The following MGA variants were observed in gnomAD, a reference collection of about 807,000 sequenced individuals.
MGA encodes MAX dimerization protein MGA, also known as MAX gene-associated protein.
MGA carries 40 observed loss-of-function variants against 261.1 expected under a neutral mutation model. The observed-to-expected ratio is 0.15, with a 90% CI of 0.12 to 0.20. The LOEUF is 0.20. MGA is among the 10% of genes least tolerant of loss of function. The pLI, the probability that MGA is intolerant of heterozygous loss-of-function variation, is 1.00. For missense variants in MGA, 3,397 were observed against 3,630.5 expected (o/e 0.94, Z 1.65); for synonymous variants, 1,302 against 1,290.6 (o/e 1.01, Z -0.19).
intron 16 of MGA, 38 bp downstream of exon 16, chr15:41,748,965 A>G (rs760830032): frequency 1.3e-6 from 2 of 1,599,564 alleles, no homozygotes; most frequent in Non-Finnish European, 1.7e-6. Context: ...CTTTTGTTGA[A>G]TCACTTGGCC....
At chr15:41,690,369 G>A (rs549308929) in intron 2 of MGA, among the ~76,000 whole-genome samples, 3 of 152,182 alleles carry the variant, frequency 2.0e-5, no homozygotes, top group South Asian at 2.1e-4. Flanking sequence ...TGGCTGTTAC[G>A]AATAATGTTG....
chr15:41,698,150 G>T (rs1431522044), intron 3 of MGA, among the ~76,000 whole-genome samples: 3 of 146,910 alleles, frequency 2.0e-5, no homozygotes, highest in Non-Finnish European at 4.5e-5. Context: ...AATTACAAGC[G>T]TGAGCCACTG....
Position 41,707,840 on chromosome 15 carries a change from A to G in MGA, c.2301A>G (p.Gly767=). 6.2e-7 allele frequency: 1 copy of G among 1,613,762 alleles called. No individual in the cohort carries two copies. Among genetic ancestry groups the G allele is most frequent in the Non-Finnish European group, 8.5e-7 (1 of 1,179,796 alleles). Residue 767 remains glycine, a synonymous_variant, in exon 6 of 24, where the codon GGA becomes GGG. Transcript: ENST00000219905. The stretch of plus-strand genomic sequence containing the variant: ...GCTTTCCTTTTTGGAACCTTACAGG[A>G]ACCAACCCTGCCTCTCCTGGTGAGT...
In MGA at chr15:41,647,363, G is replaced by A. The variant is rs576838760; in HGVS notation, c.-67-21465G>A. ...ATCTATTTCTTCAGTATGATTCTCT[G>A]TCCTGAGCACTAGACCCTGATATTC... On this transcript the variant is annotated intron_variant, in intron 1 of 8. Transcript: ENST00000566718. Among the ~76,000 whole-genome samples, 68 of 152,232 alleles carry A rather than the reference G, an allele frequency of 4.5e-4. No homozygotes were observed. The South Asian group carries it at 0.011, about 24-fold the overall frequency.
chr15:41,659,667 T>C (rs1046886580), upstream of MGA, among the ~76,000 whole-genome samples: 2 of 152,254 alleles, frequency 1.3e-5, no homozygotes, highest in East Asian at 1.9e-4. Flanking sequence ...TTGCACCTCA[T>C]AGCTTAAATG....
chr15:41,660,139 G>C (rs1270291190), upstream of MGA, among the ~76,000 whole-genome samples: 1 of 152,234 alleles, frequency 6.6e-6, no homozygotes, highest in Non-Finnish European at 1.5e-5. Flanking sequence ...CGAAGGCTTC[G>C]TGTGCAAGCC....
chr15:41,756,835 C>T (rs773362217), intron 18 of MGA, among the ~76,000 whole-genome samples: 2 of 152,130 alleles, frequency 1.3e-5, no homozygotes, highest in African/African-American at 2.4e-5. Flanking sequence ...CTCAACCAGT[C>T]CTCGTGCCTT....
chr15:41,671,565 G>A (rs1163863679), intron 2 of MGA, among the ~76,000 whole-genome samples: 1 of 151,846 alleles, frequency 6.6e-6, no homozygotes, highest in East Asian at 1.9e-4. Context: ...CTGACCTCAG[G>A]TGATCCACCC....
intron 2 of MGA, among the ~76,000 whole-genome samples, chr15:41,675,362 CT>C (rs869188873): frequency 5.4e-5 from 8 of 148,602 alleles, no homozygotes; most frequent in East Asian, 3.9e-4. Flanking sequence ...GCTATTGCTG[CT>C]TTTTTTTTTC....
chr15:41,754,628 G>C (rs1044166160), intron 18 of MGA, 61 bp downstream of exon 18: 1 of 1,475,304 alleles, frequency 6.8e-7, no homozygotes, highest in Non-Finnish European at 9.0e-7. Context: ...AACAAAATGA[G>C]ATGTTCTGTT....
At chr15:41,707,892 A>C (rs779184753) in intron 6 of MGA, 33 bp downstream of exon 6, 1 of 1,587,726 alleles carries the variant, frequency 6.3e-7, no homozygotes, top group South Asian at 1.2e-5. Flanking sequence ...GTCAAACACT[A>C]TTTTTCTTGA....
intron 2 of MGA, chr15:41,691,471 C>T: frequency 3.7e-6 from 1 of 269,720 alleles, no homozygotes; most frequent in South Asian, 4.5e-5. Flanking sequence ...GATCATTTAC[C>T]TGTGAATAGA....
chr15:41,673,210 T>C (rs892635357), intron 2 of MGA, among the ~76,000 whole-genome samples: 7 of 152,018 alleles, frequency 4.6e-5, no homozygotes, highest in African/African-American at 1.7e-4. Flanking sequence ...CCTTAGTTTT[T>C]CTTTCTTTCT....
intron 9 of MGA, among the ~76,000 whole-genome samples, chr15:41,726,120 G>T (rs975797310): frequency 6.6e-6 from 1 of 152,106 alleles, no homozygotes; most frequent in Non-Finnish European, 1.5e-5. Flanking sequence ...TTTTACTCCT[G>T]TACTGAGTTC....
rs558328067 is a variant in MGA at position 41,698,540 on chromosome 15, T to C, written c.2014-323T>C. On this transcript the variant is annotated intron_variant, in intron 3 of 23. Transcript: ENST00000219905. ...GTTCTTTTCCTCCCTTCTTGTTAGC[T>C]GAGTAAGCTATCTGAATATAGGCTC... 2.0e-5 allele frequency among the ~76,000 whole-genome samples: 3 copies of C among 152,346 alleles called. No individual in the cohort carries two copies. The South Asian group carries it at 6.2e-4, about 32-fold the overall frequency.
intron 1 of MGA, among the ~76,000 whole-genome samples, chr15:41,644,370 AGAAG>A (rs1360308354): frequency 7.5e-6 from 1 of 134,086 alleles, no homozygotes; most frequent in African/African-American, 2.6e-5. Flanking sequence ...AAAAAAAAAA[AGAAG>A]GCCGGGTGTG....
intron 20 of MGA, 87 bp from the exon 21 acceptor site, chr15:41,761,652 T>C: frequency 1.5e-6 from 1 of 685,858 alleles, no homozygotes; most frequent in African/African-American, 1.9e-5. Flanking sequence ...GATTAAGTTT[T>C]TTTTCATTAG....
chr15:41,729,371 T>C (rs528629935), intron 11 of MGA, 22 bp downstream of exon 11: 2 of 1,590,472 alleles, frequency 1.3e-6, no homozygotes, highest in Admixed American at 3.7e-5. Flanking sequence ...GTTGCATAAG[T>C]TCTTTTTAAC....
intron 20 of MGA, among the ~76,000 whole-genome samples, chr15:41,761,429 AAAGTTGATT>A (rs1218853168): frequency 6.6e-6 from 1 of 152,232 alleles, no homozygotes; most frequent in African/African-American, 2.4e-5. Flanking sequence ...AGTTGATCTT[AAAGTTGATT>A]ATTAAAATCT....
Sources: gnomAD v4.1 joint callset for allele counts (sites outside exome capture counted in the v4.1 genomes callset) on GRCh38, gnomAD v4.1.1 for gene constraint, MANE v1.5 for transcripts, NCBI Gene and HGNC (gene_info 2026-07-23, HGNC 2026-07-21) for gene names.